PCSK5: variants seen among roughly 807,000 people sequenced by gnomAD.
The protein encoded by PCSK5 is proprotein convertase subtilisin/kexin type 5, also known as prohormone convertase 5.
In PCSK5, 129 loss-of-function variants were observed where a neutral mutation model predicts 233.2. The ratio of observed to expected loss-of-function variants is 0.55; its 90% CI spans 0.48 to 0.64. The LOEUF is 0.64. Ranked by LOEUF, PCSK5 falls within the 30% of genes least tolerant of loss-of-function variation. PCSK5 has a pLI of 0.00. For missense variants in PCSK5, 2,076 were observed against 2,430.1 expected (o/e 0.85, Z 3.06); for synonymous variants, 825 against 879.2 (o/e 0.94, Z 1.09).
chr9:75,920,825 A>C (rs776322982), intron 1 of PCSK5, among the ~76,000 whole-genome samples: 1 of 152,138 alleles, frequency 6.6e-6, no homozygotes, highest in Non-Finnish European at 1.5e-5. Flanking sequence ...TAAAAAATAA[A>C]ATAAAAAAAC....
intron 37 of PCSK5, among the ~76,000 whole-genome samples, chr9:76,357,671 T>C (rs559570672): frequency 6.6e-6 from 1 of 152,318 alleles, no homozygotes; most frequent in East Asian, 1.9e-4. Context: ...CTAATGTCTT[T>C]AGACTGTAGC....
At chr9:76,255,659 T>C (rs1417621892) in intron 24 of PCSK5, among the ~76,000 whole-genome samples, 2 of 152,030 alleles carry the variant, frequency 1.3e-5, no homozygotes, top group African/African-American at 4.8e-5. Context: ...CAAGGCCCCA[T>C]TTCTACAAAT....
At chr9:76,211,761 G>A (rs1266174548) in intron 20 of PCSK5, among the ~76,000 whole-genome samples, 2 of 152,210 alleles carry the variant, frequency 1.3e-5, no homozygotes, top group African/African-American at 4.8e-5. Context: ...GGCTAGATGA[G>A]TGCTTAAGCC....
chr9:76,193,193 T>C, intron 20 of PCSK5: 1 of 1,586,178 alleles, frequency 6.3e-7, no homozygotes, highest in South Asian at 1.1e-5. Flanking sequence ...ATCATGCTGC[T>C]CTCGTCTTCA....
In PCSK5 at chr9:76,061,716, A is replaced by G. The variant is rs1383543356; in HGVS notation, c.633-6239A>G. ...AGTAATCTATTTTATATCTCAAATT[A>G]TCTAAAAGAGAATAATTCAAATGTT... On this transcript the variant is annotated intron_variant, in intron 5 of 37. Transcript: ENST00000674117. 2.6e-5 allele frequency among the ~76,000 whole-genome samples: 4 copies of G among 152,180 alleles called. No individual in the cohort carries two copies. The East Asian group carries it at 7.7e-4, about 29-fold the overall frequency.
At chr9:76,353,032 T>G (rs557710781) in intron 36 of PCSK5, among the ~76,000 whole-genome samples, 2 of 144,608 alleles carry the variant, frequency 1.4e-5, no homozygotes, top group East Asian at 4.0e-4. Context: ...AAAAAAAAAA[T>G]TATATGAGTG....
chr9:76,251,560 T>G (rs1308658533), intron 24 of PCSK5, among the ~76,000 whole-genome samples: 1 of 114,154 alleles, frequency 8.8e-6, no homozygotes, highest in African/African-American at 3.2e-5. Flanking sequence ...CGAGACTCCG[T>G]CTCAAAAAAA....
At chr9:76,148,640 C>T (rs1273351677) in intron 10 of PCSK5, among the ~76,000 whole-genome samples, 1 of 152,198 alleles carries the variant, frequency 6.6e-6, no homozygotes, top group African/African-American at 2.4e-5. Flanking sequence ...GGATACCCTT[C>T]TGTCCATCAC....
At chr9:75,922,889 C>T (rs544880117) in intron 1 of PCSK5, among the ~76,000 whole-genome samples, 17 of 152,218 alleles carry the variant, frequency 1.1e-4, no homozygotes, top group African/African-American at 4.1e-4. Context: ...GTTTCTTACC[C>T]GCTCAGGATT....
chr9:76,031,692 AAAT>A (rs1294039439), intron 5 of PCSK5, among the ~76,000 whole-genome samples: 1 of 152,190 alleles, frequency 6.6e-6, no homozygotes, highest in Non-Finnish European at 1.5e-5. Flanking sequence ...CTGTCTCAAA[AAAT>A]AATAATAATA....
At chr9:76,107,669 G>C (rs1216491614) in intron 9 of PCSK5, among the ~76,000 whole-genome samples, 1 of 152,158 alleles carries the variant, frequency 6.6e-6, no homozygotes, top group Non-Finnish European at 1.5e-5. Flanking sequence ...ATGTTCCTGA[G>C]CGTCCCAGAG....
At chr9:76,153,322 T>C (rs575615160) in intron 10 of PCSK5, among the ~76,000 whole-genome samples, 26 of 152,352 alleles carry the variant, frequency 1.7e-4, no homozygotes, top group African/African-American at 6.3e-4. Flanking sequence ...TTTTTAATAT[T>C]TGATTTTTGA....
chr9:76,168,201 G>T (rs1431214540), intron 12 of PCSK5, among the ~76,000 whole-genome samples: 1 of 152,134 alleles, frequency 6.6e-6, no homozygotes, highest in East Asian at 1.9e-4. Flanking sequence ...ATCCAGGCTG[G>T]AGTGCAGTGG....
chr9:76,346,293 T>C (rs1167900597), intron 35 of PCSK5, among the ~76,000 whole-genome samples: 1 of 152,246 alleles, frequency 6.6e-6, no homozygotes, highest in Admixed American at 6.5e-5. Context: ...ACTGTGGCCT[T>C]ATAGTATAGA....
intron 9 of PCSK5, among the ~76,000 whole-genome samples, chr9:76,123,391 T>C (rs1832723925): frequency 6.6e-6 from 1 of 152,170 alleles, no homozygotes; most frequent in African/African-American, 2.4e-5. Context: ...TATAGATAGT[T>C]GTAAATAAAG....
chr9:76,026,574 T>C (rs940822734), intron 4 of PCSK5, among the ~76,000 whole-genome samples: 1 of 152,158 alleles, frequency 6.6e-6, no homozygotes, highest in Non-Finnish European at 1.5e-5. Context: ...AGAGAGTCTA[T>C]GGAGAATAAA....
chr9:76,347,076 A>AT (rs34762060), intron 35 of PCSK5, among the ~76,000 whole-genome samples: 89,781 of 148,566 alleles, frequency 0.6, 27,518 homozygotes, highest in East Asian at 0.76. Context: ...TATTTTTTCT[A>AT]TTTTTTTTTT....
At chr9:76,042,720 G>A (rs2993755) in intron 5 of PCSK5, among the ~76,000 whole-genome samples, 150,178 of 152,326 alleles carry the variant, frequency 0.99, 74,033 homozygotes, top group East Asian at 1. Context: ...TGTTGCCTGA[G>A]GAAGTATTTT....
rs147879214 is a variant in PCSK5 at position 76,046,030 on chromosome 9, C to A, written c.632+18993C>A. On this transcript the variant is annotated intron_variant, in intron 5 of 37. Coordinates refer to ENST00000674117, the MANE Select transcript of PCSK5 (RefSeq NM_001372043.1). Reference sequence around the variant, plus strand: ...GAATGAAGAATATTATAAATAAATGCTTTAGCATACAGTGGTTAAGCATTA... The same window carrying A: ...GAATGAAGAATATTATAAATAAATGATTTAGCATACAGTGGTTAAGCATTA... 3.2e-3 allele frequency among the ~76,000 whole-genome samples: 483 copies of A among 152,070 alleles called. 6 individuals are homozygous for A. Among genetic ancestry groups the A allele is most frequent in the African/African-American group, 0.011 (467 of 41,460 alleles).
Sources: gnomAD v4.1 joint callset for allele counts (sites outside exome capture counted in the v4.1 genomes callset) on GRCh38, gnomAD v4.1.1 for gene constraint, MANE v1.5 for transcripts, NCBI Gene and HGNC (gene_info 2026-07-23, HGNC 2026-07-21) for gene names.